Variants in CACNA1D observed in about 807,000 individuals in gnomAD.
CACNA1D encodes the protein calcium voltage-gated channel subunit alpha1 D, also known as voltage-dependent L-type calcium channel subunit alpha-1D.
A neutral mutation model predicts 257.1 loss-of-function variants in CACNA1D; 55 were observed. That is an observed-to-expected ratio of 0.21 (90% CI 0.17 to 0.27). CACNA1D has a LOEUF of 0.27. Ranked by LOEUF, CACNA1D falls within the 10% of genes least tolerant of loss-of-function variation. The probability of loss-of-function intolerance (pLI) is 1.00; values close to 1 mark genes in which losing one functional copy is unlikely to be tolerated. For missense variants in CACNA1D, 1,876 were observed against 2,784.0 expected, an observed-to-expected ratio of 0.67 and a Z score of 7.34; for synonymous variants, 980 against 1,014.9, an observed-to-expected ratio of 0.97 and a Z score of 0.65.
intron 14 of CACNA1D, among the ~76,000 whole-genome samples, chr3:53,724,296 A>C (rs7638857): frequency 0.33 from 50,295 of 152,136 alleles, 9,099 homozygotes; most frequent in East Asian, 0.73. Context: ...GATTGATTTT[A>C]TGAGGTTTCT....
At chr3:53,653,828 C>T (rs765472411) in intron 4 of CACNA1D, among the ~76,000 whole-genome samples, 3 of 151,958 alleles carry the variant, frequency 2.0e-5, no homozygotes, top group Non-Finnish European at 4.4e-5. Flanking sequence ...AAATGAAACT[C>T]ACAAGAAGCT....
intron 3 of CACNA1D, among the ~76,000 whole-genome samples, chr3:53,565,909 G>A (rs1326728603): frequency 6.6e-6 from 1 of 152,176 alleles, no homozygotes; most frequent in Non-Finnish European, 1.5e-5. Context: ...TGATATCAGA[G>A]TAATATCAAG....
intron 3 of CACNA1D, among the ~76,000 whole-genome samples, chr3:53,508,028 G>A (rs996128471): frequency 3.9e-5 from 6 of 152,150 alleles, no homozygotes; most frequent in South Asian, 4.1e-4. Flanking sequence ...CTGCACCCTC[G>A]GGTTTCTGAG....
chr3:53,678,813 A>G (rs2094400573), intron 8 of CACNA1D, among the ~76,000 whole-genome samples: 1 of 152,198 alleles, frequency 6.6e-6, no homozygotes, highest in Non-Finnish European at 1.5e-5. Flanking sequence ...AATTCATACT[A>G]GTAATAGCCA....
chr3:53,530,835 C>G (rs149305257), intron 3 of CACNA1D, among the ~76,000 whole-genome samples: 1 of 151,954 alleles, frequency 6.6e-6, no homozygotes. Context: ...GCTCTGCACC[C>G]GTGCACATCC....
rs1348241219 is a variant in CACNA1D, at chr3:53,500,465, A to C, written c.378-1150A>C. On this transcript the variant is annotated intron_variant, in intron 2 of 47. Transcript: ENST00000350061. ...AAAAAAAAAAATGATATCTCTAGAG[A>C]GGTAAAGAGTATTTGTTTCCTGTGG... Among the ~76,000 whole-genome samples, 3 of 150,832 alleles carry C rather than the reference A, an allele frequency of 2.0e-5. No individual in the cohort carries two copies. In the East Asian group the frequency reaches 5.8e-4, roughly 29 times the overall value.
intron 3 of CACNA1D, among the ~76,000 whole-genome samples, chr3:53,562,602 G>A (rs553196172): frequency 6.6e-6 from 1 of 152,182 alleles, no homozygotes; most frequent in Admixed American, 6.5e-5. Flanking sequence ...AATTTAAAAA[G>A]CTATATGTAA....
chr3:53,781,445 G>A lies in CACNA1D; in HGVS notation c.4691-121G>A, dbSNP rs145833037. On this transcript the variant is annotated intron_variant, in intron 38 of 47. Transcript: ENST00000350061. ...TGACTGGGGAGAGCCTGGTGGGAGT[G>A]GAGCCCCATCAGAGGGCAGCATGTT... The A allele has an allele frequency of 1.6e-3, 1,132 of 721,066 alleles. 10 individuals are homozygous for A. In the African/African-American group the frequency reaches 0.017, roughly 11 times the overall value. The allele number at this position is 721,066 out of a possible 1,614,324, so 44.7% of individuals were successfully genotyped here.
At position 53,653,552 on chromosome 3, in the gene CACNA1D, A is replaced by G. The variant is rs199957471; in HGVS notation, c.623+2634A>G. Among the ~76,000 whole-genome samples the G allele has an allele frequency of 3.3e-5, 5 of 152,308 alleles. No homozygotes were observed. In the East Asian group the frequency reaches 9.6e-4, roughly 29 times the overall value. ...CAAATGGAACTTTAAGAGATGAAAAATATATCCAAAATGAAAAATTCTCTG... is the reference window on the plus strand; with the variant it reads ...CAAATGGAACTTTAAGAGATGAAAAGTATATCCAAAATGAAAAATTCTCTG... On this transcript the variant is annotated intron_variant, in intron 4 of 47. Coordinates refer to ENST00000350061, the MANE Select transcript of CACNA1D (RefSeq NM_001128840.3).
intron 3 of CACNA1D, among the ~76,000 whole-genome samples, chr3:53,537,179 A>C (rs567859670): frequency 6.6e-6 from 1 of 152,210 alleles, no homozygotes; most frequent in African/African-American, 2.4e-5. Flanking sequence ...TTAACATTCC[A>C]AAAAATGTTT....
At chr3:53,540,092 T>G (rs923963862) in intron 3 of CACNA1D, among the ~76,000 whole-genome samples, 5 of 152,098 alleles carry the variant, frequency 3.3e-5, no homozygotes, top group African/African-American at 1.2e-4. Flanking sequence ...TTTTTTTTTT[T>G]TAAACACAAA....
In CACNA1D at chr3:53,727,014, G is replaced by C. The variant is rs376360089; in HGVS notation, c.2221+15G>C. On this transcript the variant is annotated intron_variant, in intron 15 of 47. Coordinates refer to ENST00000350061, the MANE Select transcript of CACNA1D (RefSeq NM_001128840.3). ...TTGTGGTAACTGTATCCTTCAAGCC[G>C]ACCAGGCTTTGTTGTTGCCGTCGTT... 1 of 1,614,002 alleles carries C rather than the reference G, an allele frequency of 6.2e-7. No individual in the cohort carries two copies. The highest frequency in any genetic ancestry group is 1.1e-5 in the South Asian group (1 of 91,052).
chr3:53,732,862 G>A lies in CACNA1D; in HGVS notation c.2521G>A (p.Ala841Thr), dbSNP rs771928160. Residue 841 changes from alanine (A) to threonine (T), a missense_variant, in exon 19 of 48, where the codon GCC becomes ACC. Ala to Thr is a moderately conservative substitution (Grantham distance 58, BLOSUM62 0). This residue lies in a region of CACNA1D where 271 missense variants were observed against 425.5 expected (regional missense o/e 0.64). Transcript: ENST00000350061. The part of the protein sequence containing the change: ...EEEEDEPEVP[A>T]GPRPRRISEL... ...GGAGGAGGATGAACCTGAGGTTCCT[G>A]CCGGACCCCGTCCTCGAAGGATCTC... 6.2e-7 allele frequency: 1 copy of A among 1,613,936 alleles called. No homozygotes were observed.
Position 53,497,145 on chromosome 3 carries a change from T to C in CACNA1D, c.68-7T>C. 1 of 1,612,904 alleles carries C rather than the reference T, an allele frequency of 6.2e-7. No homozygotes were observed. The highest frequency in any genetic ancestry group is 8.5e-7 in the Non-Finnish European group (1 of 1,179,350). Reference sequence around the variant, plus strand: ...AAAAAAATCTTTGTTTTTCTCCTTCTCCCCAGAGGCAAACTATGCAAGAGG... The same window carrying C: ...AAAAAAATCTTTGTTTTTCTCCTTCCCCCCAGAGGCAAACTATGCAAGAGG... On this transcript the variant is annotated splice_region_variant and splice_polypyrimidine_tract_variant and intron_variant, in intron 1 of 47. Transcript: ENST00000350061.
intron 40 of CACNA1D, chr3:53,791,066 A>C (rs1202161369): frequency 2.9e-6 from 2 of 700,748 alleles, no homozygotes; most frequent in Non-Finnish European, 5.2e-6. Context: ...TAAGGCCTTG[A>C]AAGGGAAAAG....
At chr3:53,622,366 A>T (rs1229252409) in intron 3 of CACNA1D, among the ~76,000 whole-genome samples, 4 of 152,238 alleles carry the variant, frequency 2.6e-5, no homozygotes, top group Non-Finnish European at 4.4e-5. Context: ...AAGGGAAATA[A>T]AAACATGTCC....
intron 3 of CACNA1D, among the ~76,000 whole-genome samples, chr3:53,517,861 T>G (rs1156860003): frequency 6.6e-6 from 1 of 152,238 alleles, no homozygotes; most frequent in African/African-American, 2.4e-5. Flanking sequence ...GCTTGTGACA[T>G]GCAAACTGCA....
At chr3:53,637,053 T>C (rs2108166678) in intron 3 of CACNA1D, among the ~76,000 whole-genome samples, 1 of 152,360 alleles carries the variant, frequency 6.6e-6, no homozygotes, top group South Asian at 2.1e-4. Flanking sequence ...TTTTTTCATT[T>C]TACCTTATTC....
At chr3:53,756,789 T>C (rs1340129689) in intron 29 of CACNA1D, among the ~76,000 whole-genome samples, 1 of 152,188 alleles carries the variant, frequency 6.6e-6, no homozygotes, top group Non-Finnish European at 1.5e-5. Flanking sequence ...AGAGCACTTC[T>C]GTGGAGTAAG....
Sources: gnomAD v4.1 joint callset for allele counts (sites outside exome capture counted in the v4.1 genomes callset) on GRCh38, gnomAD v4.1.1 for gene constraint, gnomAD v4.1.1 regional missense constraint, MANE v1.5 for transcripts, NCBI Gene and HGNC (gene_info 2026-07-23, HGNC 2026-07-21) for gene names.